Variants in PCCA observed in about 807,000 individuals in gnomAD.
PCCA encodes propionyl-CoA carboxylase subunit alpha, also known as propionyl-CoA carboxylase alpha chain, mitochondrial.
PCCA carries 74 observed loss-of-function variants against 101.3 expected under a neutral mutation model. The ratio of observed to expected loss-of-function variants is 0.73; its 90% confidence interval spans 0.61 to 0.89. The LOEUF (loss-of-function observed/expected upper bound fraction) is 0.89. PCCA is among the 40% of genes least tolerant of loss of function. The probability of loss-of-function intolerance (pLI) is 0.00; values close to 1 mark genes in which losing one functional copy is unlikely to be tolerated. For synonymous variants in PCCA, 294 were observed against 313.6 expected (o/e 0.94, Z 0.66); for missense variants, 891 against 907.0 (o/e 0.98, Z 0.23).
At chr13:100,272,198 A>G (rs1472436279) in intron 11 of PCCA, among the ~76,000 whole-genome samples, 4 of 152,096 alleles carry the variant, frequency 2.6e-5, no homozygotes, top group Non-Finnish European at 5.9e-5. Flanking sequence ...TAGTGGATGT[A>G]TTGCTGATTC....
At chr13:100,233,506 A>C (rs1224101881) in intron 7 of PCCA, among the ~76,000 whole-genome samples, 1 of 152,160 alleles carries the variant, frequency 6.6e-6, no homozygotes. Context: ...GTGTGATGTC[A>C]CTTAGTGCCA....
chr13:100,147,415 T>A (rs2052712668), intron 4 of PCCA, among the ~76,000 whole-genome samples: 1 of 152,210 alleles, frequency 6.6e-6, no homozygotes, highest in African/African-American at 2.4e-5. Context: ...CTGCTGGGGC[T>A]CTGGTAGGGC....
Position 100,425,529 on chromosome 13 carries a change from G to A in PCCA, c.1747-104G>A, listed in dbSNP as rs903301411. 3.9e-6 allele frequency: 3 copies of A among 776,048 alleles called. No individual in the cohort carries two copies. The African/African-American group carries it at 5.1e-5, about 13-fold the overall frequency. 48.1% of individuals were successfully genotyped at this position (776,048 alleles called of 1,614,324 possible). ...AGCAGTAAACATGACAGGTTGTTTG[G>A]GAGCCATCTGTTTAAAATGGCTGCT... is the stretch of plus-strand genomic sequence containing the variant. On this transcript the variant is annotated intron_variant, in intron 19 of 23. Coordinates refer to ENST00000376285, the MANE Select transcript of PCCA (RefSeq NM_000282.4).
intron 6 of PCCA, among the ~76,000 whole-genome samples, chr13:100,182,743 A>G (rs1228955287): frequency 6.6e-6 from 1 of 152,020 alleles, no homozygotes; most frequent in Non-Finnish European, 1.5e-5. Flanking sequence ...CCTACATGAT[A>G]TAGACCAGGG....
At chr13:100,416,622 T>G (rs1420904827) in intron 19 of PCCA, among the ~76,000 whole-genome samples, 6 of 151,742 alleles carry the variant, frequency 4.0e-5, no homozygotes, top group Non-Finnish European at 5.9e-5. Flanking sequence ...AACCTCCACC[T>G]GCCGGGTTCC....
intron 8 of PCCA, among the ~76,000 whole-genome samples, chr13:100,248,398 C>T (rs2061570022): frequency 6.6e-6 from 1 of 152,120 alleles, no homozygotes; most frequent in South Asian, 2.1e-4. Context: ...TGTTTCAGTG[C>T]TTGCTATAGA....
chr13:100,160,956 T>C (rs1273487248), intron 6 of PCCA: 1 of 141,954 alleles, frequency 7.0e-6, no homozygotes, highest in Non-Finnish European at 1.5e-5. Context: ...AATTTGTGTT[T>C]TGTGTTTGGA....
chr13:100,401,064 C>T (rs2077334844), intron 19 of PCCA, among the ~76,000 whole-genome samples: 1 of 151,904 alleles, frequency 6.6e-6, no homozygotes, highest in Non-Finnish European at 1.5e-5. Context: ...GAAGAGAAAC[C>T]AAGATCATAT....
chr13:100,279,538 C>T (rs2063920726), intron 12 of PCCA, among the ~76,000 whole-genome samples: 3 of 152,066 alleles, frequency 2.0e-5, no homozygotes, highest in South Asian at 2.1e-4. Flanking sequence ...TGTAGTGGCA[C>T]GATCTTGGCT....
At chr13:100,166,581 G>A (rs1296668302) in intron 6 of PCCA, among the ~76,000 whole-genome samples, 1 of 152,162 alleles carries the variant, frequency 6.6e-6, no homozygotes, top group African/African-American at 2.4e-5. Flanking sequence ...TTACAGGTGT[G>A]AGCCACCGTG....
intron 22 of PCCA, 22 bp from the exon 23 acceptor site, chr13:100,527,650 ACTT>A (rs2087958677): frequency 6.4e-7 from 1 of 1,562,162 alleles, no homozygotes; most frequent in African/African-American, 1.4e-5. Flanking sequence ...TGCTTTTAAA[ACTT>A]CTGCCCATTT....
chr13:100,383,423 T>G (rs1307025751), intron 19 of PCCA, among the ~76,000 whole-genome samples: 1 of 151,798 alleles, frequency 6.6e-6, no homozygotes, highest in South Asian at 2.1e-4. Context: ...GCCCAGGAGG[T>G]CTAGACCAGC....
At chr13:100,175,593 A>G (rs2056162388) in intron 6 of PCCA, among the ~76,000 whole-genome samples, 1 of 152,170 alleles carries the variant, frequency 6.6e-6, no homozygotes, top group African/African-American at 2.4e-5. Flanking sequence ...AGTGGTGGCA[A>G]GTCCAGGTTT....
At chr13:100,102,793 C>T (rs2047390258) in intron 1 of PCCA, 90 bp from the exon 2 acceptor site, 2 of 837,484 alleles carry the variant, frequency 2.4e-6, no homozygotes, top group South Asian at 2.7e-5. Context: ...CAGACACGTT[C>T]GCTAGAACCT....
intron 21 of PCCA, among the ~76,000 whole-genome samples, chr13:100,460,051 A>T (rs2082065601): frequency 6.6e-6 from 1 of 152,258 alleles, no homozygotes; most frequent in Admixed American, 6.5e-5. Context: ...TTGGACGTTC[A>T]GTCCCTAACA....
chr13:100,343,153 G>A (rs1277707937), intron 18 of PCCA, among the ~76,000 whole-genome samples: 4 of 152,152 alleles, frequency 2.6e-5, no homozygotes, highest in Admixed American at 6.5e-5. Context: ...CCAAGAATGC[G>A]CCACTGCACT....
intron 12 of PCCA, among the ~76,000 whole-genome samples, chr13:100,286,874 A>G (rs181915701): frequency 2.0e-5 from 3 of 150,780 alleles, no homozygotes; most frequent in South Asian, 4.2e-4. Flanking sequence ...TTCTTCTTGT[A>G]TAGAAAGTTT....
chr13:100,334,890 C>T (rs992049808), intron 17 of PCCA, among the ~76,000 whole-genome samples: 1 of 152,068 alleles, frequency 6.6e-6, no homozygotes. Context: ...TCTCACTGTT[C>T]TTAAGAAAGC....
chr13:100,297,454 T>C (rs1242486684), intron 12 of PCCA, among the ~76,000 whole-genome samples: 4 of 152,234 alleles, frequency 2.6e-5, no homozygotes, highest in African/African-American at 4.8e-5. Context: ...CCTAAGCTTA[T>C]TCTGCTACCG....
Sources: allele counts gnomAD v4.1 joint callset (sites outside exome capture counted in the v4.1 genomes callset), GRCh38; gene constraint gnomAD v4.1.1; transcripts MANE v1.5; gene names NCBI Gene and HGNC (gene_info 2026-07-23, HGNC 2026-07-21).